Variants in CCDC38 observed in about 807,000 individuals in gnomAD.
CCDC38 encodes the protein coiled-coil domain-containing protein 38.
Under a neutral mutation model 72.8 loss-of-function variants are expected in CCDC38, and 69 were observed. The observed-to-expected ratio is 0.95, with a 90% confidence interval of 0.78 to 1.16. The LOEUF is 1.16. Ranked by LOEUF, CCDC38 falls within the 50% of genes most tolerant of loss-of-function variation. The pLI is 0.00. For missense variants in CCDC38, 626 were observed against 638.9 expected, an observed-to-expected ratio of 0.98 and a Z score of 0.22; for synonymous variants, 201 against 213.2, an observed-to-expected ratio of 0.94 and a Z score of 0.50.
Position 95,890,929 on chromosome 12 carries a change from T to A in CCDC38, c.774A>T (p.Lys258Asn). The change falls in exon 9 of 16, where the codon AAA (lysine) becomes AAT (asparagine). Residue 258 changes from lysine to asparagine, a missense_variant and splice_region_variant. Transcript: ENST00000344280. ...CCTTGTTACTTGAATGTAATGATAA[T>A]TCTAGAAATGGCAAATGAAGAGGAG... Reference protein sequence around the residue: ...ANIILPKILAKLSLHSSNKEG... With the variant: ...ANIILPKILANLSLHSSNKEG... The A allele has an allele frequency of 6.4e-7, 1 of 1,557,110 alleles. No individual in the cohort carries two copies. The highest frequency in any genetic ancestry group is 8.8e-7 in the Non-Finnish European group (1 of 1,134,294).
intron 13 of CCDC38, among the ~76,000 whole-genome samples, chr12:95,873,426 T>C (rs1434557327): frequency 1.3e-5 from 2 of 152,214 alleles, no homozygotes; most frequent in Non-Finnish European, 2.9e-5. Context: ...TTCACTGTTT[T>C]CGTTGGGAAG....
chr12:95,883,288 A>G (rs780745151), intron 10 of CCDC38, among the ~76,000 whole-genome samples: 1 of 152,202 alleles, frequency 6.6e-6, no homozygotes, highest in Non-Finnish European at 1.5e-5. Flanking sequence ...GGTCTCTGTC[A>G]CACTCTTGTT....
intron 9 of CCDC38, among the ~76,000 whole-genome samples, chr12:95,890,103 G>T (rs2079807666): frequency 6.6e-6 from 1 of 152,036 alleles, no homozygotes; most frequent in Non-Finnish European, 1.5e-5. Flanking sequence ...GCAGATATGG[G>T]TTTTTTCCAT....
At chr12:95,918,833 G>C in intron 3 of CCDC38, 43 bp downstream of exon 3, 1 of 1,321,428 alleles carries the variant, frequency 7.6e-7, no homozygotes. Context: ...AAGTGGATAT[G>C]ATTCTAACAT....
intron 4 of CCDC38, among the ~76,000 whole-genome samples, chr12:95,915,120 G>C (rs1172458511): frequency 6.6e-6 from 1 of 152,134 alleles, no homozygotes; most frequent in Non-Finnish European, 1.5e-5. Context: ...AGCTTACTTT[G>C]ACATGGTACT....
At chr12:95,895,924 C>T (rs927379231) in intron 7 of CCDC38, among the ~76,000 whole-genome samples, 7 of 149,190 alleles carry the variant, frequency 4.7e-5, no homozygotes, top group East Asian at 2.0e-4. Context: ...GGCGTGGTGG[C>T]GCATGCCTGT....
At chr12:95,903,519 A>G (rs1328488029) in intron 5 of CCDC38, 1 of 697,006 alleles carries the variant, frequency 1.4e-6, no homozygotes, top group South Asian at 1.5e-5. Flanking sequence ...AATGTTAGTG[A>G]TAAGTTTCTA....
intron 4 of CCDC38, among the ~76,000 whole-genome samples, chr12:95,912,474 G>A (rs114597780): frequency 0.012 from 1,781 of 152,246 alleles, 36 homozygotes; most frequent in African/African-American, 0.039. Flanking sequence ...TGGGGGTGGG[G>A]GGATAGGAAG....
rs542616676 is a variant in CCDC38, at chr12:95,895,474, G to A, written c.615-328C>T. Among the ~76,000 whole-genome samples, 13 of 152,210 alleles carry A rather than the reference G, an allele frequency of 8.5e-5. No individual in the cohort carries two copies. In the East Asian group the frequency reaches 1.7e-3, roughly 20 times the overall value. ...GAAATTAGAAGGTAGCAAAAGGGCC[G>A]GGTGCAGTGGCTCACACGTGTAATC... On this transcript the variant is annotated intron_variant, in intron 7 of 15. Coordinates refer to ENST00000344280, the MANE Select transcript of CCDC38 (RefSeq NM_182496.3).
At chr12:95,919,521 T>C (rs2080180984) in intron 2 of CCDC38, 1 of 456,046 alleles carries the variant, frequency 2.2e-6, no homozygotes, top group East Asian at 6.9e-5. Flanking sequence ...CCATGTTTAG[T>C]TTGCTTTAAC....
At chr12:95,921,417 C>G (rs2080206634) in intron 2 of CCDC38, among the ~76,000 whole-genome samples, 3 of 152,240 alleles carry the variant, frequency 2.0e-5, no homozygotes, top group Admixed American at 6.5e-5. Flanking sequence ...TTCTGCATAG[C>G]TGGGAAGACC....
intron 10 of CCDC38, among the ~76,000 whole-genome samples, chr12:95,884,147 C>T (rs555829366): frequency 3.6e-4 from 55 of 152,142 alleles, no homozygotes; most frequent in Middle Eastern, 3.2e-3. Context: ...ATAAAGCTGT[C>T]GCTATGTGCA....
At chr12:95,911,687 A>G (rs2080096151) in intron 4 of CCDC38, among the ~76,000 whole-genome samples, 1 of 152,236 alleles carries the variant, frequency 6.6e-6, no homozygotes, top group Admixed American at 6.5e-5. Flanking sequence ...ACCAGTCAGA[A>G]TGGCTATTAT....
chr12:95,906,770 C>CTT (rs61239359), intron 4 of CCDC38, among the ~76,000 whole-genome samples: 54 of 138,818 alleles, frequency 3.9e-4, no homozygotes, highest in Non-Finnish European at 5.0e-4. Context: ...TGTCAAAATT[C>CTT]TTTTTTTTTT....
chr12:95,875,662 C>T (rs181838167), intron 13 of CCDC38, among the ~76,000 whole-genome samples: 7 of 152,226 alleles, frequency 4.6e-5, no homozygotes, highest in African/African-American at 1.7e-4. Context: ...GAATACGTTT[C>T]CCTCCCAATT....
chr12:95,870,539 T>C (rs2079570280), intron 14 of CCDC38, among the ~76,000 whole-genome samples: 1 of 152,216 alleles, frequency 6.6e-6, no homozygotes, highest in South Asian at 2.1e-4. Flanking sequence ...TAAAATTCTT[T>C]TTAAGAAGAA....
intron 2 of CCDC38, chr12:95,933,403 A>G (rs1369120420): frequency 6.6e-6 from 1 of 152,234 alleles, no homozygotes; most frequent in East Asian, 1.9e-4. Flanking sequence ...ATTTAACAGA[A>G]GAAGAAACAT....
At chr12:95,873,888 C>A (rs938765254) in intron 13 of CCDC38, among the ~76,000 whole-genome samples, 3 of 152,204 alleles carry the variant, frequency 2.0e-5, no homozygotes, top group African/African-American at 7.2e-5. Flanking sequence ...TTCTGATGGT[C>A]CTGTTTAGCA....
chr12:95,917,288 A>C lies in CCDC38; in HGVS notation c.145T>G (p.Phe49Val). 6.3e-7 allele frequency: 1 copy of C among 1,591,244 alleles called. No individual in the cohort carries two copies. Among genetic ancestry groups the C allele is most frequent in the Non-Finnish European group, 8.5e-7 (1 of 1,174,986 alleles). Residue 49 changes from phenylalanine to valine, a missense_variant, in exon 4 of 16, where the codon TTT (phenylalanine) becomes GTT (valine). Coordinates refer to ENST00000344280, the MANE Select transcript of CCDC38 (RefSeq NM_182496.3). ...NEMAAKETEK[F>V]MNRNMKVYQK... ...TAGACTTTCATGTTACGGTTCATAA[A>C]TTTTTCCTGCCCAAGTGGAAAAGTT...
Sources: allele counts gnomAD v4.1 joint callset (sites outside exome capture counted in the v4.1 genomes callset), GRCh38; gene constraint gnomAD v4.1.1; transcripts MANE v1.5; gene names NCBI Gene and HGNC (gene_info 2026-07-23, HGNC 2026-07-21).